POLR2C: variants seen among roughly 807,000 people sequenced by gnomAD.
POLR2C encodes the protein DNA-directed RNA polymerase II subunit RPB3.
POLR2C carries 36 observed loss-of-function variants against 41.7 expected under a neutral mutation model. That is an observed-to-expected ratio of 0.86 (90% confidence interval 0.66 to 1.14). POLR2C has a LOEUF of 1.14. Ranked by LOEUF, POLR2C falls within the 50% of genes most tolerant of loss-of-function variation. The pLI, the probability that POLR2C is intolerant of heterozygous loss-of-function variation, is 0.00. For missense variants in POLR2C, 260 were observed against 350.4 expected (o/e 0.74, Z 2.06); for synonymous variants, 133 against 137.8 (o/e 0.96, Z 0.25).
Position 57,462,824 on chromosome 16 carries a change from G to A in POLR2C, c.86+14G>A, listed in dbSNP as rs2030604861. 1.9e-6 allele frequency: 3 copies of A among 1,598,254 alleles called. No individual in the cohort carries two copies. Among genetic ancestry groups the A allele is most frequent in the Non-Finnish European group, 8.5e-7 (1 of 1,171,200 alleles). On this transcript the variant is annotated intron_variant, in intron 1 of 8. Transcript: ENST00000219252. ...CACCGACCTGGCGTAAGGCTACCGA[G>A]GGAAGAGGCTGGCGGCTCTGGGGCG...
In POLR2C at chr16:57,469,971, C is replaced by T. The variant is rs781607112; in HGVS notation, c.450C>T (p.Ile150=). ...TGCCTCTCCCTGCAGACATCCTCAT[C>T]GTCAAGTTGAGAAAGGGCCAGGAGC... ...NDYVEQDDIL[I]VKLRKGQELR... Residue 150 remains isoleucine, a synonymous_variant, in exon 7 of 9, where the codon ATC becomes ATT. Transcript: ENST00000219252. This position sits in a 1 kb window ranked among gnomAD's most constrained non-coding sequence, Gnocchi z 5.8. The T allele has an allele frequency of 7.4e-6, 12 of 1,613,390 alleles. No individual in the cohort carries two copies. The highest frequency in any genetic ancestry group is 3.3e-4 in the Middle Eastern group (2 of 5,990).
intron 2 of POLR2C, 161 bp downstream of exon 2, chr16:57,463,239 T>C: frequency 2.9e-6 from 2 of 683,028 alleles, no homozygotes; most frequent in Non-Finnish European, 5.2e-6. Context: ...TGCCCTTGGC[T>C]CAGTGGCCGC....
chr16:57,469,786 T>A lies in POLR2C; in HGVS notation c.439+25T>A. On this transcript the variant is annotated intron_variant, in intron 6 of 8. Transcript: ENST00000219252. This position sits in a 1 kb window ranked among gnomAD's most constrained non-coding sequence, Gnocchi z 5.8. Reference sequence around the variant, plus strand: ...GGTAAGTCTTCCTGACCTGTCACCGTGTGGGCCAGCGGGAAGGAGGGACCA... The same window carrying A: ...GGTAAGTCTTCCTGACCTGTCACCGAGTGGGCCAGCGGGAAGGAGGGACCA... 6.2e-7 allele frequency: 1 copy of A among 1,607,914 alleles called. No individual in the cohort carries two copies. Among genetic ancestry groups the A allele is most frequent in the Non-Finnish European group, 8.5e-7 (1 of 1,175,746 alleles).
chr16:57,468,191 G>A (rs1219038915), intron 4 of POLR2C, among the ~76,000 whole-genome samples: 3 of 152,070 alleles, frequency 2.0e-5, no homozygotes, highest in African/African-American at 7.2e-5. Flanking sequence ...CAATTTTTTT[G>A]TATTTTTTGT....
chr16:57,468,588 A>C (rs1483887330), intron 4 of POLR2C, among the ~76,000 whole-genome samples: 2 of 152,242 alleles, frequency 1.3e-5, no homozygotes, highest in Non-Finnish European at 2.9e-5. Flanking sequence ...AAGAATGGCA[A>C]AATGTTAATA....
rs377173398 is a variant in POLR2C, at chr16:57,462,704, G to T, written c.-21G>T. 2 of 1,572,628 alleles carry T rather than the reference G, an allele frequency of 1.3e-6. No homozygotes were observed. Among genetic ancestry groups the T allele is most frequent in the African/African-American group, 1.4e-5 (1 of 72,922 alleles). ...GCAGTCACCGCGGAGCAGACGCGGA[G>T]GCTGGTGGCCCCTGGGCGAGATGCC... On this transcript the variant is annotated 5_prime_UTR_variant, in exon 1 of 9. It adds an upstream start codon to the 5' untranslated region. Transcript: ENST00000219252.
rs1405959784 is a variant in POLR2C, at chr16:57,469,946, T to C, written c.440-15T>C. On this transcript the variant is annotated splice_polypyrimidine_tract_variant and intron_variant, in intron 6 of 8. Transcript: ENST00000219252. The surrounding 1 kb of genome is among the most constrained non-coding windows in gnomAD (Gnocchi z 5.8). ...TCTCTCCTGGCCCTTGACTGACTTG[T>C]GCCTCTCCCTGCAGACATCCTCATC... 3.1e-6 allele frequency: 5 copies of C among 1,610,390 alleles called. No homozygotes were observed. In the East Asian group the frequency reaches 6.7e-5, roughly 22 times the overall value.
Position 57,466,031 on chromosome 16 carries a change from C to T in POLR2C, c.205+10C>T. On this transcript the variant is annotated intron_variant, in intron 3 of 8. Transcript: ENST00000219252. ...ATTGCTCACAGGCTTGGTGAGTACTCCTTTTACTAGGAGGTTAAAGGGAGG... is the reference window on the plus strand; with the variant it reads ...ATTGCTCACAGGCTTGGTGAGTACTTCTTTTACTAGGAGGTTAAAGGGAGG... The T allele has an allele frequency of 1.9e-6, 3 of 1,560,230 alleles. No individual in the cohort carries two copies. Among genetic ancestry groups the T allele is most frequent in the Non-Finnish European group, 2.7e-6 (3 of 1,131,114 alleles).
At chr16:57,462,982 T>C (rs1293567248) in intron 1 of POLR2C, 47 bp from the exon 2 acceptor site, 1 of 1,563,188 alleles carries the variant, frequency 6.4e-7, no homozygotes, top group African/African-American at 1.4e-5. Context: ...GGGCCCAGCC[T>C]GTCGAGGCTG....
chr16:57,467,577 T>G (rs1199822198), intron 4 of POLR2C, among the ~76,000 whole-genome samples: 1 of 152,232 alleles, frequency 6.6e-6, no homozygotes, highest in African/African-American at 2.4e-5. Flanking sequence ...AAAACTAAAA[T>G]AATACCCTTT....
In POLR2C at chr16:57,469,111, A is replaced by G; in HGVS notation, c.259-54A>G. 1 of 1,582,702 alleles carries G rather than the reference A, an allele frequency of 6.3e-7. No homozygotes were observed. Among genetic ancestry groups the G allele is most frequent in the South Asian group, 1.1e-5 (1 of 89,538 alleles). ...TGCAGGAAGCCAAGACAAGGAGCCA[A>G]GGCAGGAGTTGCCATCTCCCTTTGA... On this transcript the variant is annotated intron_variant, in intron 4 of 8. Coordinates refer to ENST00000219252, the MANE Select transcript of POLR2C (RefSeq NM_032940.3). The surrounding 1 kb of genome is among the most constrained non-coding windows in gnomAD (Gnocchi z 5.8).
chr16:57,470,586 G>A (rs931917474), intron 8 of POLR2C, among the ~76,000 whole-genome samples: 2 of 152,176 alleles, frequency 1.3e-5, no homozygotes, highest in African/African-American at 4.8e-5. Context: ...TTCCTGTTCT[G>A]ATTTTCAGCC....
Position 57,471,326 on chromosome 16 carries a change from G to C in POLR2C, c.*207G>C. The C allele has an allele frequency of 3.6e-6, 2 of 552,654 alleles. No homozygotes were observed. Among genetic ancestry groups the C allele is most frequent in the South Asian group, 4.6e-5 (2 of 43,734 alleles). The allele number at this position is 552,654 out of a possible 1,614,324, so 34.2% of individuals were successfully genotyped here. On this transcript the variant is annotated 3_prime_UTR_variant, in exon 9 of 9. Coordinates refer to ENST00000219252, the MANE Select transcript of POLR2C (RefSeq NM_032940.3). Reference sequence around the variant, plus strand: ...GGCAGGATAGGTCTTTACTGGCCCTGACTGCTGTTAATAATTGGCAGCAGT... The same window carrying C: ...GGCAGGATAGGTCTTTACTGGCCCTCACTGCTGTTAATAATTGGCAGCAGT...
intron 4 of POLR2C, among the ~76,000 whole-genome samples, chr16:57,467,090 G>C (rs898441168): frequency 6.6e-6 from 1 of 151,998 alleles, no homozygotes; most frequent in Non-Finnish European, 1.5e-5. Flanking sequence ...AATATTAGCC[G>C]AGCGTGGTCC....
At chr16:57,470,476 C>T (rs1330113986) in intron 8 of POLR2C, 122 bp downstream of exon 8, 2 of 712,456 alleles carry the variant, frequency 2.8e-6, no homozygotes, top group South Asian at 1.8e-5. Flanking sequence ...GGAGGGGCTG[C>T]TGACTGCTAA....
Position 57,462,797 on chromosome 16 carries a change from A to G in POLR2C, c.73A>G (p.Asn25Asp), listed in dbSNP as rs2030603542. The change falls in exon 1 of 9, where the codon AAC becomes GAC. Residue 25 changes from asparagine (N) to aspartate (D), a missense_variant. Asn to Asp is a conservative substitution (Grantham distance 23, BLOSUM62 1). Transcript: ENST00000219252. ...TDENVKFIIENTDLAVANSIR... is the reference protein window; with the variant it reads ...TDENVKFIIEDTDLAVANSIR... Reference sequence around the variant, plus strand: ...CGAGAATGTCAAGTTCATCATCGAGAACACCGACCTGGCGTAAGGCTACCG... The same window carrying G: ...CGAGAATGTCAAGTTCATCATCGAGGACACCGACCTGGCGTAAGGCTACCG... The G allele has an allele frequency of 6.2e-7, 1 of 1,608,340 alleles. No individual in the cohort carries two copies. Among genetic ancestry groups the G allele is most frequent in the Admixed American group, 1.7e-5 (1 of 59,534 alleles).
chr16:57,468,916 G>A (rs1457967292), intron 4 of POLR2C, among the ~76,000 whole-genome samples: 1 of 152,198 alleles, frequency 6.6e-6, no homozygotes, highest in South Asian at 2.1e-4. Context: ...GAGGTGGCCT[G>A]GCAGCTGGTG....
chr16:57,471,311 G>A lies in POLR2C; in HGVS notation c.*192G>A, dbSNP rs1053369047. ...ATGCAGTGGTGTTTAGGCAGGATAG[G>A]TCTTTACTGGCCCTGACTGCTGTTA... On this transcript the variant is annotated 3_prime_UTR_variant, in exon 9 of 9. Transcript: ENST00000219252. 6 of 579,184 alleles carry A rather than the reference G, an allele frequency of 1.0e-5. No individual in the cohort carries two copies. In the African/African-American group the frequency reaches 1.1e-4, roughly 11 times the overall value. 35.9% of individuals were successfully genotyped at this position (579,184 alleles called of 1,614,324 possible). A position where few individuals can be genotyped will look rare whatever the true frequency, so the allele number is the denominator to read the frequency against.
At chr16:57,463,175 C>G in intron 2 of POLR2C, 97 bp downstream of exon 2, 1 of 1,019,448 alleles carries the variant, frequency 9.8e-7, no homozygotes, top group Non-Finnish European at 1.5e-6. Context: ...TTGGTTCGGG[C>G]TGAGGGTGGT....
Sources: gnomAD v4.1 joint callset for allele counts (sites outside exome capture counted in the v4.1 genomes callset) on GRCh38, gnomAD v4.1.1 for gene constraint, Gnocchi (gnomAD v3.1) non-coding constraint, MANE v1.5 for transcripts, NCBI Gene and HGNC (gene_info 2026-07-23, HGNC 2026-07-21) for gene names.